The following CACNB4 variants were observed in gnomAD, a reference collection of about 807,000 sequenced individuals.
CACNB4 encodes calcium voltage-gated channel auxiliary subunit beta 4, also known as voltage-dependent L-type calcium channel subunit beta-4.
CACNB4 carries 32 observed loss-of-function variants against 71.2 expected under a neutral mutation model. That is an observed-to-expected ratio of 0.45 (90% confidence interval 0.34 to 0.60). The LOEUF (loss-of-function observed/expected upper bound fraction) is 0.60, where lower values mean the gene tolerates loss of function less well. Among genes scored for constraint, CACNB4 ranks in the 20% least tolerant of loss-of-function variants. The probability of loss-of-function intolerance (pLI) is 0.01; values close to 1 mark genes in which losing one functional copy is unlikely to be tolerated. For synonymous variants in CACNB4, 231 were observed against 236.9 expected, an observed-to-expected ratio of 0.97 and a Z score of 0.23; for missense variants, 464 against 647.9, an observed-to-expected ratio of 0.72 and a Z score of 3.08.
chr2:151,980,188 C>T (rs1364655584), intron 2 of CACNB4, among the ~76,000 whole-genome samples: 1 of 152,166 alleles, frequency 6.6e-6, no homozygotes, highest in Non-Finnish European at 1.5e-5. Context: ...GCTTGTTTAG[C>T]ACCTAATATT....
intron 10 of CACNB4, among the ~76,000 whole-genome samples, chr2:151,855,678 T>C (rs2151359696): frequency 6.6e-6 from 1 of 152,372 alleles, no homozygotes; most frequent in South Asian, 2.1e-4. Flanking sequence ...ATTGTTGTTT[T>C]GTTCTAAAGA....
intron 2 of CACNB4, among the ~76,000 whole-genome samples, chr2:152,040,598 T>C (rs1193964481): frequency 1.3e-5 from 2 of 152,130 alleles, no homozygotes; most frequent in Admixed American, 6.5e-5. Context: ...CACACCACCA[T>C]GCCCAGCTAA....
intron 8 of CACNB4, 55 bp from the exon 9 acceptor site, chr2:151,869,290 GA>G: frequency 9.9e-7 from 1 of 1,010,628 alleles, no homozygotes. Context: ...GAGAGAGAGA[GA>G]AGTCAAAAGG....
rs370373866 is a variant in CACNB4, at chr2:151,916,099, A to C, written c.148-32729T>G. The stretch of plus-strand genomic sequence containing the variant: ...CCCTCTAGTCAACTTTGATGAGAGA[A>C]CCTGGATACCTGGTTGCCAGTGAAG... On this transcript the variant is annotated intron_variant, in intron 2 of 13. Transcript: ENST00000539935. 1.6e-4 allele frequency among the ~76,000 whole-genome samples: 24 copies of C among 146,980 alleles called. No individual in the cohort carries two copies. In the East Asian group the frequency reaches 2.6e-3, roughly 16 times the overall value.
chr2:151,921,102 A>C (rs2099858880), intron 2 of CACNB4, among the ~76,000 whole-genome samples: 1 of 151,806 alleles, frequency 6.6e-6, no homozygotes. Flanking sequence ...GTGCCACTGC[A>C]CTCCAGCCTG....
At chr2:151,925,780 G>A (rs2099860093) in intron 2 of CACNB4, among the ~76,000 whole-genome samples, 1 of 152,112 alleles carries the variant, frequency 6.6e-6, no homozygotes, top group Non-Finnish European at 1.5e-5. Flanking sequence ...CAAGGTGGTG[G>A]AGAAGGGTAA....
chr2:151,975,115 T>A (rs1291639153), intron 2 of CACNB4, among the ~76,000 whole-genome samples: 1 of 152,210 alleles, frequency 6.6e-6, no homozygotes, highest in African/African-American at 2.4e-5. Context: ...GAAAGAACTC[T>A]GCAAATCTAA....
At chr2:152,032,438 T>C (rs1371452985) in intron 2 of CACNB4, among the ~76,000 whole-genome samples, 1 of 152,228 alleles carries the variant, frequency 6.6e-6, no homozygotes, top group Admixed American at 6.5e-5. Context: ...CTATCAACTA[T>C]TGATGGTGGC....
chr2:152,098,152 C>G lies in CACNB4; in HGVS notation c.147+178G>C, dbSNP rs868717659. Among the ~76,000 whole-genome samples the G allele has an allele frequency of 6.6e-6, 1 of 152,228 alleles. No individual in the cohort carries two copies. The highest frequency in any genetic ancestry group is 1.5e-5 in the Non-Finnish European group (1 of 68,038). ...GTGCGGAGACGCCGGGACGCGAAGA[C>G]GTCAAGAGCCCAGGCTAGAGGGAGA... On this transcript the variant is annotated intron_variant, in intron 2 of 13. Coordinates refer to ENST00000539935, the MANE Select transcript of CACNB4 (RefSeq NM_000726.5). The surrounding 1 kb of genome is among the most constrained non-coding windows in gnomAD (Gnocchi z 5.3).
intron 13 of CACNB4, among the ~76,000 whole-genome samples, chr2:151,840,554 A>C (rs1009478256): frequency 6.6e-6 from 1 of 152,216 alleles, no homozygotes; most frequent in Non-Finnish European, 1.5e-5. Context: ...GTACACTCAG[A>C]TCAGCCCATG....
intron 2 of CACNB4, among the ~76,000 whole-genome samples, chr2:151,921,470 G>A (rs1467489941): frequency 6.6e-6 from 1 of 152,128 alleles, no homozygotes; most frequent in Admixed American, 6.5e-5. Flanking sequence ...GCCAACACAA[G>A]TTTAATATTT....
intron 2 of CACNB4, among the ~76,000 whole-genome samples, chr2:151,996,826 G>A (rs1056126581): frequency 2.0e-5 from 3 of 152,126 alleles, no homozygotes; most frequent in African/African-American, 7.2e-5. Context: ...TAAAGAAAAG[G>A]AGGCAGAGAT....
intron 2 of CACNB4, among the ~76,000 whole-genome samples, chr2:152,068,975 G>A (rs982028779): frequency 5.3e-5 from 8 of 152,112 alleles, no homozygotes; most frequent in East Asian, 1.9e-4. Flanking sequence ...ACACTGAGGC[G>A]GTGACCTTTG....
chr2:152,095,095 T>C (rs903375898), intron 2 of CACNB4, among the ~76,000 whole-genome samples: 2 of 152,326 alleles, frequency 1.3e-5, no homozygotes, highest in Non-Finnish European at 2.9e-5. Context: ...CTTCTCACCT[T>C]TCCTCAAAGA....
intron 2 of CACNB4, among the ~76,000 whole-genome samples, chr2:152,014,080 T>A (rs1195908231): frequency 2.0e-5 from 3 of 152,228 alleles, no homozygotes; most frequent in Admixed American, 2.0e-4. Flanking sequence ...TGGTGGCTCA[T>A]GCCTGCAATC....
chr2:152,052,814 C>T (rs1685516546), intron 2 of CACNB4, among the ~76,000 whole-genome samples: 1 of 151,860 alleles, frequency 6.6e-6, no homozygotes, highest in African/African-American at 2.4e-5. Context: ...CCCATCTCTA[C>T]TAAAAATACA....
rs565196856 is a variant in CACNB4 at position 152,018,680 on chromosome 2, G to A, written c.147+79650C>T. 9.9e-4 allele frequency among the ~76,000 whole-genome samples: 151 copies of A among 152,134 alleles called. 1 individual carries two copies. Among genetic ancestry groups the A allele is most frequent in the African/African-American group, 3.3e-3 (139 of 41,498 alleles). On this transcript the variant is annotated intron_variant, in intron 2 of 13. Coordinates refer to ENST00000539935, the MANE Select transcript of CACNB4 (RefSeq NM_000726.5). ...TATCTGAGCGTGGTGGCAAGCACCT[G>A]TAGTCCTAGCTACTTTGGAGGCTGA...
chr2:152,074,246 C>A (rs982624058), intron 2 of CACNB4, among the ~76,000 whole-genome samples: 2 of 151,672 alleles, frequency 1.3e-5, no homozygotes, highest in Admixed American at 6.6e-5. Context: ...ACCATCAGCA[C>A]CCCCCCATTT....
chr2:151,956,378 C>T (rs1191171560), intron 2 of CACNB4, among the ~76,000 whole-genome samples: 4 of 152,192 alleles, frequency 2.6e-5, no homozygotes, highest in African/African-American at 9.7e-5. Flanking sequence ...AAATGAAATG[C>T]TGATAAAAGC....
Sources: gnomAD v4.1 joint callset for allele counts (sites outside exome capture counted in the v4.1 genomes callset) on GRCh38, gnomAD v4.1.1 for gene constraint, Gnocchi (gnomAD v3.1) non-coding constraint, MANE v1.5 for transcripts, NCBI Gene and HGNC (gene_info 2026-07-23, HGNC 2026-07-21) for gene names.